ROBO1: variants seen among roughly 807,000 people sequenced by gnomAD.
The protein encoded by ROBO1 is roundabout guidance receptor 1.
A neutral mutation model predicts 195.9 loss-of-function variants in ROBO1; 149 were observed. The observed-to-expected ratio is 0.76, with a 90% CI of 0.67 to 0.87. The LOEUF (loss-of-function observed/expected upper bound fraction) is 0.87, where lower values mean the gene tolerates loss of function less well. Ranked by LOEUF, ROBO1 falls within the 40% of genes least tolerant of loss-of-function variation. The pLI, the probability that ROBO1 is intolerant of heterozygous loss-of-function variation, is 0.00. For missense variants in ROBO1, 1,933 were observed against 2,068.3 expected (o/e 0.93, Z 1.27); for synonymous variants, 816 against 733.2 (o/e 1.11, Z -1.82).
intron 2 of ROBO1, among the ~76,000 whole-genome samples, chr3:79,522,195 T>C (rs1233681380): frequency 6.6e-6 from 1 of 152,162 alleles, no homozygotes; most frequent in African/African-American, 2.4e-5. Flanking sequence ...GGTAATTGTA[T>C]TGCTACAATG....
At chr3:78,687,882 G>A (rs1479189705) in intron 9 of ROBO1, among the ~76,000 whole-genome samples, 2 of 152,118 alleles carry the variant, frequency 1.3e-5, no homozygotes, top group African/African-American at 4.8e-5. Flanking sequence ...CCTCCTGCCT[G>A]AGCCTCCCAA....
chr3:78,916,152 A>G (rs2038559080), intron 4 of ROBO1, among the ~76,000 whole-genome samples: 2 of 147,836 alleles, frequency 1.4e-5, no homozygotes, highest in Admixed American at 1.4e-4. Flanking sequence ...CGGGAGGCTG[A>G]GGCAGGAGAA....
intron 1 of ROBO1, among the ~76,000 whole-genome samples, chr3:79,764,999 A>G (rs1472923171): frequency 6.6e-6 from 1 of 152,214 alleles, no homozygotes; most frequent in Non-Finnish European, 1.5e-5. Flanking sequence ...ACCTTCATAG[A>G]GTAGAGCCCA....
chr3:79,250,243 C>G (rs542882393), intron 2 of ROBO1, among the ~76,000 whole-genome samples: 16 of 152,264 alleles, frequency 1.1e-4, no homozygotes, highest in Non-Finnish European at 1.8e-4. Context: ...GTAATGGTCA[C>G]TATTTTTAAA....
chr3:78,743,067 A>G (rs1263953102), intron 5 of ROBO1, among the ~76,000 whole-genome samples: 1 of 152,210 alleles, frequency 6.6e-6, no homozygotes, highest in East Asian at 1.9e-4. Flanking sequence ...CACATACACA[A>G]GCATACACAC....
At chr3:79,631,518 G>A (rs1052180369) in intron 1 of ROBO1, among the ~76,000 whole-genome samples, 2 of 151,894 alleles carry the variant, frequency 1.3e-5, no homozygotes, top group Non-Finnish European at 2.9e-5. Context: ...TATAAGACCT[G>A]AAGTTATAAA....
chr3:79,243,158 T>G (rs2082554480), intron 2 of ROBO1, among the ~76,000 whole-genome samples: 1 of 152,000 alleles, frequency 6.6e-6, no homozygotes, highest in South Asian at 2.1e-4. Context: ...ACAAAGGACA[T>G]GAACTCATCA....
chr3:79,241,678 CAA>C (rs1402854709), intron 2 of ROBO1, among the ~76,000 whole-genome samples: 2 of 149,544 alleles, frequency 1.3e-5, no homozygotes, highest in African/African-American at 4.9e-5. Context: ...ATATAGATAA[CAA>C]TATTTATGTA....
At position 79,154,803 on chromosome 3, in the gene ROBO1, G is replaced by A. The variant is rs111245932; in HGVS notation, c.89-29264C>T. 3.3e-3 allele frequency among the ~76,000 whole-genome samples: 501 copies of A among 151,866 alleles called. 2 individuals carry two copies. Among genetic ancestry groups the A allele is most frequent in the African/African-American group, 0.011 (475 of 41,484 alleles). ...AAAATAAATTTCCTTTTAGCTTTCCGAAGTAAGCTTTTGAAAGTAAATTCC... is the reference window on the plus strand; with the variant it reads ...AAAATAAATTTCCTTTTAGCTTTCCAAAGTAAGCTTTTGAAAGTAAATTCC... On this transcript the variant is annotated intron_variant, in intron 2 of 30. Coordinates refer to ENST00000464233, the MANE Select transcript of ROBO1 (RefSeq NM_002941.4).
intron 2 of ROBO1, among the ~76,000 whole-genome samples, chr3:79,169,824 G>C (rs886093937): frequency 6.6e-6 from 1 of 151,958 alleles, no homozygotes; most frequent in Non-Finnish European, 1.5e-5. Context: ...AATACCAAAA[G>C]CATAATAAAA....
chr3:79,730,980 T>C lies in ROBO1; in HGVS notation c.-51+36772A>G, dbSNP rs572827016. Reference sequence around the variant, plus strand: ...TTTTAGTAGAGACGGGGTTTCACTGTGTTAGCCAGGATGGTCTCGATCTCC... The same window carrying C: ...TTTTAGTAGAGACGGGGTTTCACTGCGTTAGCCAGGATGGTCTCGATCTCC... On this transcript the variant is annotated intron_variant, in intron 1 of 30. Coordinates refer to ENST00000464233, the MANE Select transcript of ROBO1 (RefSeq NM_002941.4). Among the ~76,000 whole-genome samples, 30 of 152,096 alleles carry C rather than the reference T, an allele frequency of 2.0e-4. 1 individual carries two copies. In the Middle Eastern group the frequency reaches 0.01, roughly 52 times the overall value.
chr3:79,530,505 T>C (rs1941604684), intron 2 of ROBO1, among the ~76,000 whole-genome samples: 1 of 152,136 alleles, frequency 6.6e-6, no homozygotes, highest in Non-Finnish European at 1.5e-5. Flanking sequence ...TACAGGTAGA[T>C]TCCTTTAAGT....
chr3:78,698,021 G>A (rs973148975), intron 8 of ROBO1, among the ~76,000 whole-genome samples: 1 of 152,010 alleles, frequency 6.6e-6, no homozygotes, highest in Non-Finnish European at 1.5e-5. Flanking sequence ...AAATTCTAAT[G>A]AATCCTTAAA....
intron 4 of ROBO1, among the ~76,000 whole-genome samples, chr3:78,891,432 C>T (rs999650046): frequency 4.6e-5 from 7 of 151,992 alleles, no homozygotes; most frequent in Admixed American, 2.0e-4. Flanking sequence ...CACTCAACTG[C>T]CTAAAGTAAA....
At chr3:78,731,153 T>C (rs1349352675) in intron 5 of ROBO1, among the ~76,000 whole-genome samples, 1 of 152,164 alleles carries the variant, frequency 6.6e-6, no homozygotes. Flanking sequence ...TTTGGAATGT[T>C]CTTTCTTAGT....
At chr3:78,977,562 T>C (rs181657295) in intron 3 of ROBO1, among the ~76,000 whole-genome samples, 8 of 151,338 alleles carry the variant, frequency 5.3e-5, no homozygotes, top group Admixed American at 3.3e-4. Context: ...ACTGTAGCAA[T>C]TAGCAAAGGA....
chr3:78,851,914 T>C (rs2034091408), intron 4 of ROBO1, among the ~76,000 whole-genome samples: 1 of 152,104 alleles, frequency 6.6e-6, no homozygotes, highest in African/African-American at 2.4e-5. Context: ...AAAAAAACTA[T>C]TAAAAATTGA....
intron 1 of ROBO1, among the ~76,000 whole-genome samples, chr3:79,680,057 G>A (rs1014526004): frequency 4.0e-5 from 6 of 151,862 alleles, no homozygotes; most frequent in East Asian, 3.9e-4. Context: ...CATATGCTAC[G>A]TGCTCATCAC....
At chr3:79,742,629 G>A (rs1431101026) in intron 1 of ROBO1, among the ~76,000 whole-genome samples, 1 of 152,146 alleles carries the variant, frequency 6.6e-6, no homozygotes, top group East Asian at 1.9e-4. Context: ...ATGGCATGCA[G>A]TACTGAGTCA....
Sources: allele counts gnomAD v4.1 joint callset (sites outside exome capture counted in the v4.1 genomes callset), GRCh38; gene constraint gnomAD v4.1.1; transcripts MANE v1.5; gene names NCBI Gene and HGNC (gene_info 2026-07-23, HGNC 2026-07-21).